The following SHB variants were observed in gnomAD, a reference collection of about 807,000 sequenced individuals.
SHB encodes SH2 domain containing adaptor protein B, also known as SH2 domain-containing adapter protein B.
A neutral mutation model predicts 52.3 loss-of-function variants in SHB; 20 were observed. That is an observed-to-expected ratio of 0.38 (90% confidence interval 0.27 to 0.56). The LOEUF (loss-of-function observed/expected upper bound fraction) is 0.56. Ranked by LOEUF, SHB falls within the 20% of genes least tolerant of loss-of-function variation. SHB has a pLI of 0.71. For synonymous variants in SHB, 397 were observed against 316.5 expected (o/e 1.25, Z -2.70); for missense variants, 825 against 723.3 (o/e 1.14, Z -1.61).
chr9:37,936,434 A>T (rs1383666209), intron 5 of SHB, among the ~76,000 whole-genome samples: 1 of 152,166 alleles, frequency 6.6e-6, no homozygotes, highest in Non-Finnish European at 1.5e-5. Flanking sequence ...TGACCTTTGC[A>T]ATCTGATTTT....
At chr9:37,964,792 T>A (rs934766691) in intron 3 of SHB, among the ~76,000 whole-genome samples, 1 of 152,116 alleles carries the variant, frequency 6.6e-6, no homozygotes, top group Admixed American at 6.5e-5. Context: ...CAGTGCATAG[T>A]ACCGCCCCCA....
chr9:37,942,865 C>G (rs1307871761), intron 5 of SHB, among the ~76,000 whole-genome samples: 5 of 152,036 alleles, frequency 3.3e-5, no homozygotes. Context: ...TCGGTCTGTG[C>G]CAGTTCACGT....
chr9:37,988,747 A>C (rs1225149152), intron 2 of SHB, among the ~76,000 whole-genome samples: 1 of 152,252 alleles, frequency 6.6e-6, no homozygotes, highest in African/African-American at 2.4e-5. Flanking sequence ...TACACTGAAT[A>C]GTGCAGATTG....
intron 1 of SHB, among the ~76,000 whole-genome samples, chr9:38,032,006 G>A (rs1391995524): frequency 6.6e-6 from 1 of 152,124 alleles, no homozygotes; most frequent in Non-Finnish European, 1.5e-5. Flanking sequence ...TCTCTGTGAA[G>A]ACCTGGGACC....
At chr9:37,948,457 TA>T (rs1457669665) in intron 5 of SHB, among the ~76,000 whole-genome samples, 177 bp downstream of exon 5, 1 of 152,096 alleles carries the variant, frequency 6.6e-6, no homozygotes, top group Non-Finnish European at 1.5e-5. Flanking sequence ...ACAGTGAACA[TA>T]AAAACTCCTC....
chr9:38,009,286 C>T (rs1821107684), intron 2 of SHB, among the ~76,000 whole-genome samples: 1 of 152,198 alleles, frequency 6.6e-6, no homozygotes. Context: ...GAGGCTGATG[C>T]CACATGGAGG....
At chr9:38,002,829 A>G (rs1005096000) in intron 2 of SHB, among the ~76,000 whole-genome samples, 6 of 152,194 alleles carry the variant, frequency 3.9e-5, no homozygotes, top group Admixed American at 2.6e-4. Context: ...CCCTGCATCA[A>G]GTTCCCTGGG....
In SHB at chr9:37,919,661, G is replaced by C; in HGVS notation, c.*160C>G. Reference sequence around the variant, plus strand: ...TTTATCCAGGCCTTCTCCAGCCCCCGTAAGTGGCAACAGCATTCTAGAGAC... The same window carrying C: ...TTTATCCAGGCCTTCTCCAGCCCCCCTAAGTGGCAACAGCATTCTAGAGAC... On this transcript the variant is annotated 3_prime_UTR_variant, in exon 6 of 6. Coordinates refer to ENST00000377707, the MANE Select transcript of SHB (RefSeq NM_003028.3). 1 of 571,298 alleles carries C rather than the reference G, an allele frequency of 1.8e-6. No homozygotes were observed. The highest frequency in any genetic ancestry group is 3.1e-6 in the Non-Finnish European group (1 of 322,636). The allele number at this position is 571,298 out of a possible 1,614,324, so 35.4% of individuals were successfully genotyped here. A position where few individuals can be genotyped will look rare whatever the true frequency, so the allele number is the denominator to read the frequency against.
At chr9:37,995,442 A>T (rs1820936178) in intron 2 of SHB, among the ~76,000 whole-genome samples, 1 of 144,358 alleles carries the variant, frequency 6.9e-6, no homozygotes, top group African/African-American at 2.5e-5. Context: ...GATGGGGAGA[A>T]GGCCCTGCTT....
chr9:38,065,112 TAA>T (rs1459386994), intron 1 of SHB, among the ~76,000 whole-genome samples: 2 of 152,064 alleles, frequency 1.3e-5, no homozygotes, highest in African/African-American at 4.8e-5. Flanking sequence ...TAACAATAGA[TAA>T]AGACTAAATG....
chr9:37,995,646 C>T (rs1820938012), intron 2 of SHB, among the ~76,000 whole-genome samples: 1 of 152,196 alleles, frequency 6.6e-6, no homozygotes, highest in Non-Finnish European at 1.5e-5. Flanking sequence ...GCTTTCCTCA[C>T]CGTCAATGTC....
intron 2 of SHB, among the ~76,000 whole-genome samples, chr9:38,006,662 T>C (rs1165040636): frequency 2.0e-5 from 3 of 152,174 alleles, no homozygotes; most frequent in Non-Finnish European, 4.4e-5. Context: ...GAGTTAGGGA[T>C]GTGTTCCGAG....
At chr9:38,014,802 G>A (rs1455154229) in intron 2 of SHB, among the ~76,000 whole-genome samples, 2 of 152,344 alleles carry the variant, frequency 1.3e-5, no homozygotes, top group East Asian at 3.9e-4. Flanking sequence ...CCTAGAAGGT[G>A]CACCCAGATC....
rs192229191 is a variant in SHB, at chr9:37,935,869, C to T, written c.1346+12766G>A. On this transcript the variant is annotated intron_variant, in intron 5 of 5. Transcript: ENST00000377707. ...GAAAATCTCAAGACAGAGCCGGAAC[C>T]AGAAATGCGTTTCCTAACTCCATAG... 2.9e-3 allele frequency among the ~76,000 whole-genome samples: 441 copies of T among 152,020 alleles called. 3 individuals carry two copies. Among genetic ancestry groups the T allele is most frequent in the African/African-American group, 0.01 (424 of 41,430 alleles).
At chr9:38,001,687 A>G (rs1200600731) in intron 2 of SHB, among the ~76,000 whole-genome samples, 2 of 152,234 alleles carry the variant, frequency 1.3e-5, no homozygotes, top group African/African-American at 4.8e-5. Flanking sequence ...GCAGCCTCTT[A>G]GAGTGGGAGG....
At chr9:38,038,063 A>G (rs903183707) in intron 1 of SHB, among the ~76,000 whole-genome samples, 8 of 152,200 alleles carry the variant, frequency 5.3e-5, no homozygotes, top group Admixed American at 2.0e-4. Flanking sequence ...GGAGAACTCC[A>G]AACAGCACCC....
intron 3 of SHB, among the ~76,000 whole-genome samples, chr9:37,970,329 T>C (rs780605692): frequency 6.6e-6 from 1 of 152,178 alleles, no homozygotes; most frequent in Non-Finnish European, 1.5e-5. Flanking sequence ...AAGGGGAAAC[T>C]TTCATTCCTA....
intron 1 of SHB, among the ~76,000 whole-genome samples, chr9:38,061,808 CA>C (rs1821896743): frequency 6.6e-6 from 1 of 152,200 alleles, no homozygotes; most frequent in African/African-American, 2.4e-5. Flanking sequence ...AAACAGAGCA[CA>C]CACAGCCCGG....
intron 2 of SHB, among the ~76,000 whole-genome samples, chr9:38,012,265 G>A (rs895015729): frequency 2.0e-5 from 3 of 152,198 alleles, no homozygotes; most frequent in African/African-American, 4.8e-5. Context: ...AGGCTGGAGA[G>A]GCCCTGGAAA....
Sources: gnomAD v4.1 joint callset for allele counts (sites outside exome capture counted in the v4.1 genomes callset) on GRCh38, gnomAD v4.1.1 for gene constraint, MANE v1.5 for transcripts, NCBI Gene and HGNC (gene_info 2026-07-23, HGNC 2026-07-21) for gene names.